KCNH1: variants seen among roughly 807,000 people sequenced by gnomAD.
The protein encoded by KCNH1 is potassium voltage-gated channel subfamily H member 1, also known as voltage-gated delayed rectifier potassium channel KCNH1.
A neutral mutation model predicts 69.2 loss-of-function variants in KCNH1; 27 were observed. The ratio of observed to expected loss-of-function variants is 0.39; its 90% confidence interval spans 0.29 to 0.54. The LOEUF is 0.54. Among genes scored for constraint, KCNH1 ranks in the 20% least tolerant of loss-of-function variants. The pLI, the probability that KCNH1 is intolerant of heterozygous loss-of-function variation, is 0.68. For synonymous variants in KCNH1, 456 were observed against 487.7 expected (o/e 0.93, Z 0.86); for missense variants, 798 against 1,261.6 (o/e 0.63, Z 5.57).
In KCNH1 at chr1:210,853,922, A is replaced by G. The variant is rs573582914; in HGVS notation, c.1463-49756T>C. Among the ~76,000 whole-genome samples the G allele has an allele frequency of 1.7e-4, 24 of 144,582 alleles. 1 individual carries two copies. The South Asian group carries it at 5.0e-3, about 30-fold the overall frequency. The allele number at this position is 144,582 out of a possible 152,430, so 94.9% of individuals were successfully genotyped here. Reference sequence around the variant, plus strand: ...AATCAGGTGACATTTTAATATGCCTAGCAGTAAAAGCATTTATCTAAGCCA... The same window carrying G: ...AATCAGGTGACATTTTAATATGCCTGGCAGTAAAAGCATTTATCTAAGCCA... On this transcript the variant is annotated intron_variant, in intron 7 of 10. Transcript: ENST00000271751.
At chr1:211,055,742 C>G (rs1350579193) in intron 5 of KCNH1, among the ~76,000 whole-genome samples, 3 of 152,162 alleles carry the variant, frequency 2.0e-5, no homozygotes, top group African/African-American at 4.8e-5. Context: ...GATAGGGCAC[C>G]AGGCAAAGTT....
At chr1:210,688,386 C>G (rs186374175) in intron 10 of KCNH1, among the ~76,000 whole-genome samples, 823 of 152,326 alleles carry the variant, frequency 5.4e-3, no homozygotes, top group Non-Finnish European at 9.8e-3. Context: ...TGCATTACCC[C>G]CTGGTGGACA....
intron 10 of KCNH1, among the ~76,000 whole-genome samples, chr1:210,722,228 T>C (rs1441295733): frequency 2.0e-5 from 3 of 152,234 alleles, no homozygotes; most frequent in Non-Finnish European, 4.4e-5. Flanking sequence ...TGTGTTACTT[T>C]GTAGGGCTGG....
chr1:210,926,669 G>A (rs1217431097), intron 6 of KCNH1, among the ~76,000 whole-genome samples: 1 of 151,836 alleles, frequency 6.6e-6, no homozygotes, highest in Admixed American at 6.6e-5. Context: ...TTTAACCCCC[G>A]CAAAAGATCA....
intron 7 of KCNH1, chr1:210,861,148 G>C: frequency 1.1e-6 from 1 of 911,452 alleles, no homozygotes; most frequent in Non-Finnish European, 1.8e-6. Flanking sequence ...CAAACTTCAT[G>C]CGTATATACT....
chr1:210,980,673 T>C (rs1688692071), intron 6 of KCNH1, among the ~76,000 whole-genome samples: 1 of 152,150 alleles, frequency 6.6e-6, no homozygotes, highest in Non-Finnish European at 1.5e-5. Context: ...TTGTTGCACT[T>C]GAATTGTCAT....
At chr1:211,064,544 A>G (rs1382700993) in intron 5 of KCNH1, among the ~76,000 whole-genome samples, 4 of 152,188 alleles carry the variant, frequency 2.6e-5, no homozygotes, top group African/African-American at 7.2e-5. Context: ...CTGGGCAACA[A>G]AGCAAGACTC....
chr1:211,015,138 C>T (rs979577330), intron 6 of KCNH1, among the ~76,000 whole-genome samples: 5 of 152,166 alleles, frequency 3.3e-5, no homozygotes, highest in African/African-American at 1.2e-4. Context: ...AACACAGATG[C>T]CTTGGGGAAA....
intron 6 of KCNH1, among the ~76,000 whole-genome samples, chr1:210,940,604 C>T (rs1300922430): frequency 6.6e-6 from 1 of 152,202 alleles, no homozygotes; most frequent in African/African-American, 2.4e-5. Context: ...TTGCTTAAAA[C>T]CATCCACTTC....
At chr1:210,965,773 G>A (rs1390367488) in intron 6 of KCNH1, among the ~76,000 whole-genome samples, 1 of 152,162 alleles carries the variant, frequency 6.6e-6, no homozygotes, top group Non-Finnish European at 1.5e-5. Context: ...CTCATGGATA[G>A]GAAGAATCAG....
chr1:210,862,507 G>A (rs1001566562), intron 7 of KCNH1, among the ~76,000 whole-genome samples: 1 of 152,074 alleles, frequency 6.6e-6, no homozygotes, highest in African/African-American at 2.4e-5. Flanking sequence ...AGCTGATTTT[G>A]TGTTGTTGTA....
intron 7 of KCNH1, among the ~76,000 whole-genome samples, chr1:210,867,463 A>G (rs1424592718): frequency 6.6e-6 from 1 of 151,834 alleles, no homozygotes. Flanking sequence ...TTAGCCTAAC[A>G]TGTGGCTGTG....
chr1:210,960,964 G>C (rs1160191861), intron 6 of KCNH1, among the ~76,000 whole-genome samples: 1 of 152,090 alleles, frequency 6.6e-6, no homozygotes, highest in Admixed American at 6.6e-5. Context: ...GTTTCTTGTA[G>C]TTTTAGTGTC....
chr1:210,766,234 AGAG>A (rs1484946205), intron 10 of KCNH1, among the ~76,000 whole-genome samples: 1 of 152,036 alleles, frequency 6.6e-6, no homozygotes, highest in African/African-American at 2.4e-5. Context: ...TGATCAAGTC[AGAG>A]AAGTGTGGCC....
intron 10 of KCNH1, among the ~76,000 whole-genome samples, chr1:210,760,863 T>TC (rs545099087): frequency 2.6e-5 from 4 of 152,090 alleles, no homozygotes; most frequent in African/African-American, 9.7e-5. Flanking sequence ...TTCAATTACC[T>TC]CCCTCCAGGT....
chr1:211,108,212 C>T (rs965326424), intron 1 of KCNH1, among the ~76,000 whole-genome samples: 1 of 152,160 alleles, frequency 6.6e-6, no homozygotes, highest in African/African-American at 2.4e-5. Flanking sequence ...TATCAACTGT[C>T]CTTCCTTTCT....
At chr1:211,107,223 T>G in intron 2 of KCNH1, 31 bp downstream of exon 2, 1 of 1,611,684 alleles carries the variant, frequency 6.2e-7, no homozygotes, top group Non-Finnish European at 8.5e-7. Flanking sequence ...CATAATAGAT[T>G]GTTCACCAGA....
chr1:210,999,993 G>T (rs1331262309), intron 6 of KCNH1, among the ~76,000 whole-genome samples: 1 of 152,120 alleles, frequency 6.6e-6, no homozygotes, highest in Non-Finnish European at 1.5e-5. Flanking sequence ...CAATAAATTA[G>T]GTATTGATGG....
At chr1:210,916,690 A>G (rs370463643) in intron 7 of KCNH1, among the ~76,000 whole-genome samples, 18 of 152,314 alleles carry the variant, frequency 1.2e-4, no homozygotes, top group South Asian at 8.3e-4. Flanking sequence ...AATCTCTAAC[A>G]TATACCATTG....
Sources: gnomAD v4.1 joint callset for allele counts (sites outside exome capture counted in the v4.1 genomes callset) on GRCh38, gnomAD v4.1.1 for gene constraint, MANE v1.5 for transcripts, NCBI Gene and HGNC (gene_info 2026-07-23, HGNC 2026-07-21) for gene names.